Variants in CLNK observed in about 807,000 individuals in gnomAD.
CLNK encodes cytokine dependent hematopoietic cell linker, also known as cytokine-dependent hematopoietic cell linker.
A neutral mutation model predicts 68.6 loss-of-function variants in CLNK; 74 were observed. The observed-to-expected ratio is 1.08, with a 90% CI of 0.89 to 1.31. The LOEUF (loss-of-function observed/expected upper bound fraction) is 1.31, where lower values mean the gene tolerates loss of function less well. Ranked by LOEUF, CLNK falls within the 50% of genes most tolerant of loss-of-function variation. The pLI, the probability that CLNK is intolerant of heterozygous loss-of-function variation, is 0.00. For missense variants in CLNK, 553 were observed against 515.3 expected, an observed-to-expected ratio of 1.07 and a Z score of -0.71; for synonymous variants, 198 against 172.2, an observed-to-expected ratio of 1.15 and a Z score of -1.17.
chr4:10,629,555 G>A (rs1722805435), intron 2 of CLNK, among the ~76,000 whole-genome samples: 1 of 152,184 alleles, frequency 6.6e-6, no homozygotes, highest in African/African-American at 2.4e-5. Context: ...AGGCATCTGC[G>A]AGGGGACGCC....
At position 10,559,336 on chromosome 4, in the gene CLNK, G is replaced by A. The variant is rs74712799; in HGVS notation, c.400-884C>T. Among the ~76,000 whole-genome samples the A allele has an allele frequency of 4.6e-3, 705 of 152,316 alleles. 4 individuals are homozygous for A. The highest frequency in any genetic ancestry group is 0.017 in the African/African-American group (689 of 41,562). On this transcript the variant is annotated intron_variant, in intron 7 of 18. Transcript: ENST00000226951. ...CACAGTATTTATGCCTGGAAAGGGC[G>A]TGGCCCTTCTTCTTTTGGTTATATC...
At chr4:10,568,568 T>A (rs1015346996) in intron 5 of CLNK, among the ~76,000 whole-genome samples, 2 of 151,910 alleles carry the variant, frequency 1.3e-5, no homozygotes, top group African/African-American at 2.4e-5. Flanking sequence ...AGAAAGGAAG[T>A]AGACAAGAAA....
intron 5 of CLNK, among the ~76,000 whole-genome samples, chr4:10,569,313 A>T (rs1460381664): frequency 6.7e-6 from 1 of 149,440 alleles, no homozygotes; most frequent in Non-Finnish European, 1.5e-5. Context: ...TAGTGTTCTT[A>T]TAAGAAGAGA....
chr4:10,716,937 G>A, the CLNK span, among the ~76,000 whole-genome samples: 40 of 151,662 alleles, frequency 2.6e-4, no homozygotes, highest in South Asian at 7.3e-3. Context: ...CAGGCAATCC[G>A]CCTGTCTCAG....
intron 2 of CLNK, among the ~76,000 whole-genome samples, chr4:10,600,539 A>G (rs1272593660): frequency 6.6e-6 from 1 of 152,190 alleles, no homozygotes; most frequent in Middle Eastern, 3.2e-3. Flanking sequence ...TTCATTATGC[A>G]TGTACATGTC....
chr4:10,645,983 A>G (rs970001356), intron 2 of CLNK, among the ~76,000 whole-genome samples: 3 of 152,238 alleles, frequency 2.0e-5, no homozygotes, highest in Non-Finnish European at 4.4e-5. Flanking sequence ...CTACAAAAAC[A>G]TATGAACAGT....
chr4:10,626,832 G>A (rs561139176), intron 2 of CLNK, among the ~76,000 whole-genome samples: 33 of 152,254 alleles, frequency 2.2e-4, no homozygotes, highest in South Asian at 8.3e-4. Context: ...GTCATGCCAC[G>A]TGCTTTATGC....
At chr4:10,526,168 C>T (rs1388848510) in intron 13 of CLNK, among the ~76,000 whole-genome samples, 4 of 152,106 alleles carry the variant, frequency 2.6e-5, no homozygotes, top group African/African-American at 9.7e-5. Flanking sequence ...ATCATTGAAC[C>T]TCCCAAAAAT....
chr4:10,616,080 A>T lies in CLNK; in HGVS notation c.12-18031T>A, dbSNP rs1398986224. ...CAAAATTAGACTAAAAGCAAAGATA[A>T]TGAATATACAAAATACATGAATTTC... On this transcript the variant is annotated intron_variant, in intron 2 of 18. Coordinates refer to ENST00000226951, the MANE Select transcript of CLNK (RefSeq NM_052964.4). Among the ~76,000 whole-genome samples, 10 of 152,254 alleles carry T rather than the reference A, an allele frequency of 6.6e-5. 1 individual carries two copies. The highest frequency in any genetic ancestry group is 1.5e-4 in the Non-Finnish European group (10 of 68,050).
chr4:10,503,816 TC>T (rs1323473660), intron 17 of CLNK, among the ~76,000 whole-genome samples: 1 of 136,370 alleles, frequency 7.3e-6, no homozygotes, highest in African/African-American at 2.7e-5. Context: ...GGAGTCTCCC[TC>T]TGTTGCCCAG....
intron 2 of CLNK, among the ~76,000 whole-genome samples, chr4:10,642,218 C>T (rs1460269667): frequency 6.6e-6 from 1 of 152,180 alleles, no homozygotes; most frequent in Non-Finnish European, 1.5e-5. Context: ...CACTGCCATA[C>T]ACACTCTTAC....
chr4:10,653,978 A>G (rs1723856863), intron 2 of CLNK, among the ~76,000 whole-genome samples: 2 of 150,346 alleles, frequency 1.3e-5, no homozygotes, highest in African/African-American at 4.8e-5. Context: ...AATAGCTGAA[A>G]ATCTTCCCTC....
chr4:10,490,812 T>G (rs1027651405), intron 18 of CLNK, among the ~76,000 whole-genome samples, 199 bp from the exon 19 acceptor site: 4 of 152,230 alleles, frequency 2.6e-5, no homozygotes, highest in African/African-American at 7.2e-5. Flanking sequence ...TCACCCAGGC[T>G]GGAATGCAGT....
rs1281309150 is a variant in CLNK at position 10,628,446 on chromosome 4, C to T, written c.12-30397G>A. 5.9e-5 allele frequency among the ~76,000 whole-genome samples: 9 copies of T among 151,988 alleles called. 1 individual carries two copies. The highest frequency in any genetic ancestry group is 3.9e-4 in the Admixed American group (6 of 15,270). ...CATTTATGAGATTAGTTACATTTTT[C>T]GGTCTGTATTGATGTTAACTTTGTC... On this transcript the variant is annotated intron_variant, in intron 2 of 18. Transcript: ENST00000226951.
At chr4:10,636,215 T>C (rs1038393395) in intron 2 of CLNK, among the ~76,000 whole-genome samples, 1 of 152,194 alleles carries the variant, frequency 6.6e-6, no homozygotes, top group Non-Finnish European at 1.5e-5. Context: ...AATTAAGATA[T>C]AAGTTCCATT....
chr4:10,563,282 T>C (rs1387190018), intron 7 of CLNK, among the ~76,000 whole-genome samples: 1 of 152,168 alleles, frequency 6.6e-6, no homozygotes, highest in Non-Finnish European at 1.5e-5. Context: ...TTTTAAAAAA[T>C]ACAACTGAAA....
intron 2 of CLNK, among the ~76,000 whole-genome samples, chr4:10,610,684 T>G (rs746481749): frequency 3.8e-4 from 58 of 151,950 alleles, no homozygotes; most frequent in Non-Finnish European, 6.6e-4. Context: ...CTTTTATAGG[T>G]CCATAGACGT....
intron 8 of CLNK, among the ~76,000 whole-genome samples, chr4:10,551,255 C>CT (rs1449986836): frequency 6.6e-6 from 1 of 151,746 alleles, no homozygotes; most frequent in Non-Finnish European, 1.5e-5. Flanking sequence ...CACCCCCCCA[C>CT]TTTTTTTGAG....
chr4:10,587,329 C>T (rs1721005908), intron 3 of CLNK, among the ~76,000 whole-genome samples: 1 of 152,168 alleles, frequency 6.6e-6, no homozygotes, highest in South Asian at 2.1e-4. Context: ...CCTTTGGAAA[C>T]ACTTTTTCCC....
Sources: allele counts gnomAD v4.1 joint callset (sites outside exome capture counted in the v4.1 genomes callset), GRCh38; gene constraint gnomAD v4.1.1; transcripts MANE v1.5; gene names NCBI Gene and HGNC (gene_info 2026-07-23, HGNC 2026-07-21).